Variants in MAGI2 observed in about 807,000 individuals in gnomAD.
MAGI2 encodes the protein membrane-associated guanylate kinase, WW and PDZ domain-containing protein 2.
In MAGI2, 35 loss-of-function variants were observed where a neutral mutation model predicts 133.3. That is an observed-to-expected ratio of 0.26 (90% CI 0.20 to 0.35). MAGI2 has a LOEUF of 0.35. Ranked by LOEUF, MAGI2 falls within the 10% of genes least tolerant of loss-of-function variation. The probability of loss-of-function intolerance (pLI) is 1.00; values close to 1 mark genes in which losing one functional copy is unlikely to be tolerated. For synonymous variants in MAGI2, 729 were observed against 710.6 expected (o/e 1.03, Z -0.41); for missense variants, 1,636 against 1,863.4 (o/e 0.88, Z 2.25).
intron 10 of MAGI2, among the ~76,000 whole-genome samples, chr7:78,205,317 A>C (rs1829631888): frequency 6.6e-6 from 1 of 152,162 alleles, no homozygotes; most frequent in South Asian, 2.1e-4. Context: ...TTTTTAGTAG[A>C]GATGGGGTTT....
chr7:78,480,206 G>C (rs1343923466), intron 6 of MAGI2, among the ~76,000 whole-genome samples: 1 of 151,500 alleles, frequency 6.6e-6, no homozygotes, highest in Non-Finnish European at 1.5e-5. Flanking sequence ...AAATCCTCTT[G>C]AAAAAAATCC....
chr7:78,645,640 GGTGTGT>G (rs59287974), intron 2 of MAGI2, among the ~76,000 whole-genome samples: 86 of 147,444 alleles, frequency 5.8e-4, no homozygotes, highest in Middle Eastern at 3.5e-3. Flanking sequence ...ATATAAGTGT[GGTGTGT>G]GTGTGTGTGT....
chr7:79,399,266 T>A (rs1317890130), intron 1 of MAGI2, among the ~76,000 whole-genome samples: 2 of 151,726 alleles, frequency 1.3e-5, no homozygotes, highest in Admixed American at 1.3e-4. Context: ...GGCTAATTTT[T>A]TATTTTCAGT....
intron 1 of MAGI2, among the ~76,000 whole-genome samples, chr7:79,073,052 C>A (rs73369314): frequency 0.058 from 8,854 of 151,450 alleles, 768 homozygotes; most frequent in African/African-American, 0.2. Context: ...ACAACAACAA[C>A]AAAAAAAACA....
chr7:78,861,993 A>G (rs1794188255), intron 2 of MAGI2, among the ~76,000 whole-genome samples: 3 of 152,218 alleles, frequency 2.0e-5, no homozygotes, highest in Non-Finnish European at 2.9e-5. Context: ...CCAAATGTAC[A>G]AATAACAAAA....
chr7:78,795,364 A>G (rs755523929), intron 2 of MAGI2, among the ~76,000 whole-genome samples: 1 of 152,036 alleles, frequency 6.6e-6, no homozygotes, highest in Admixed American at 6.6e-5. Context: ...GTAAAGTTAC[A>G]GGATATAAAA....
intron 9 of MAGI2, among the ~76,000 whole-genome samples, chr7:78,311,227 A>G (rs1305028170): frequency 6.6e-6 from 1 of 152,208 alleles, no homozygotes; most frequent in African/African-American, 2.4e-5. Flanking sequence ...AGTGAGAAGC[A>G]ATCCCCATGG....
intron 1 of MAGI2, among the ~76,000 whole-genome samples, chr7:79,080,624 A>G (rs1006298799): frequency 6.6e-6 from 1 of 152,126 alleles, no homozygotes; most frequent in African/African-American, 2.4e-5. Flanking sequence ...GAGTGCTCCT[A>G]TCTTCAAAGC....
rs1239193173 is a variant in MAGI2, at chr7:79,020,635, G to A, written c.302-13429C>T. 2.6e-5 allele frequency among the ~76,000 whole-genome samples: 4 copies of A among 152,028 alleles called. No individual in the cohort carries two copies. In the East Asian group the frequency reaches 5.8e-4, roughly 22 times the overall value. On this transcript the variant is annotated intron_variant, in intron 1 of 21. Transcript: ENST00000354212. ...CAAAAAATTAGCTGGACATGGTGGC[G>A]GGCTCCTGTAGTCCCAGCTACTGGG...
chr7:79,287,412 G>A (rs957247137), intron 1 of MAGI2, among the ~76,000 whole-genome samples: 14 of 152,024 alleles, frequency 9.2e-5, no homozygotes, highest in East Asian at 3.8e-4. Context: ...CACCTTAGAC[G>A]CCTCCCTCCC....
chr7:78,724,460 T>C (rs1820568218), intron 2 of MAGI2, among the ~76,000 whole-genome samples: 1 of 152,144 alleles, frequency 6.6e-6, no homozygotes, highest in Non-Finnish European at 1.5e-5. Flanking sequence ...TCAAGTCGAG[T>C]GCACAGTCAT....
At chr7:78,322,775 C>A (rs960669523) in intron 9 of MAGI2, among the ~76,000 whole-genome samples, 2 of 151,918 alleles carry the variant, frequency 1.3e-5, no homozygotes, top group African/African-American at 4.8e-5. Context: ...ATTAGGTGAA[C>A]TAAATCTAAA....
chr7:79,306,188 CATATATATATACATGTAT>C (rs1255171830), intron 1 of MAGI2, among the ~76,000 whole-genome samples: 1 of 142,980 alleles, frequency 7.0e-6, no homozygotes, highest in Non-Finnish European at 1.5e-5. Flanking sequence ...TATATATACA[CATATATATATACATGTAT>C]ATATATATGT....
At chr7:78,655,454 C>CAAAAAAAAAAAAAA in intron 2 of MAGI2, among the ~76,000 whole-genome samples, 1 of 64,948 alleles carries the variant, frequency 1.5e-5, no homozygotes, top group African/African-American at 6.3e-5. Context: ...AAAAAACAAC[C>CAAAAAAAAAAAAAA]AAAAAAAAAA....
intron 2 of MAGI2, chr7:78,901,304 T>G (rs899355394): frequency 3.0e-4 from 45 of 152,324 alleles, no homozygotes; most frequent in African/African-American, 1.0e-3. Flanking sequence ...TTAATAAGCT[T>G]ATTGTTTATA....
At chr7:78,719,073 G>A (rs1820003373) in intron 2 of MAGI2, among the ~76,000 whole-genome samples, 1 of 152,154 alleles carries the variant, frequency 6.6e-6, no homozygotes, top group South Asian at 2.1e-4. Context: ...GGGGAAAATA[G>A]GATGAATATC....
intron 1 of MAGI2, among the ~76,000 whole-genome samples, chr7:79,089,004 G>T (rs182684046): frequency 3.9e-5 from 6 of 152,200 alleles, no homozygotes; most frequent in African/African-American, 1.4e-4. Flanking sequence ...GCATCAGAGT[G>T]AGCAGGCAAC....
chr7:78,495,804 A>G (rs1444375476), intron 5 of MAGI2, among the ~76,000 whole-genome samples: 2 of 152,296 alleles, frequency 1.3e-5, no homozygotes, highest in African/African-American at 4.8e-5. Flanking sequence ...GATATTGTGG[A>G]TGTGTATTGC....
chr7:78,231,565 C>A (rs1392434060), intron 10 of MAGI2, among the ~76,000 whole-genome samples: 3 of 152,184 alleles, frequency 2.0e-5, no homozygotes, highest in African/African-American at 7.2e-5. Context: ...CACTTCTATG[C>A]GTCCCTAAAG....
Sources: gnomAD v4.1 joint callset for allele counts (sites outside exome capture counted in the v4.1 genomes callset) on GRCh38, gnomAD v4.1.1 for gene constraint, MANE v1.5 for transcripts, NCBI Gene and HGNC (gene_info 2026-07-23, HGNC 2026-07-21) for gene names.